Variants in NEK11 observed in about 807,000 individuals in gnomAD.
NEK11 encodes the protein serine/threonine-protein kinase Nek11.
A neutral mutation model predicts 80.7 loss-of-function variants in NEK11; 72 were observed. The observed-to-expected ratio is 0.89, with a 90% CI of 0.74 to 1.08. The LOEUF (loss-of-function observed/expected upper bound fraction) is 1.08, where lower values mean the gene tolerates loss of function less well. NEK11 is among the 50% of genes least tolerant of loss of function. NEK11 has a pLI of 0.00. For synonymous variants in NEK11, 251 were observed against 260.7 expected, an observed-to-expected ratio of 0.96 and a Z score of 0.36; for missense variants, 764 against 763.6, an observed-to-expected ratio of 1.00 and a Z score of -0.01.
intron 5 of NEK11, among the ~76,000 whole-genome samples, chr3:131,130,790 A>G (rs915665460): frequency 6.6e-6 from 1 of 152,100 alleles, no homozygotes; most frequent in African/African-American, 2.4e-5. Flanking sequence ...TTCTCCTGAC[A>G]CAATGTTGGA....
chr3:131,027,437 TTCTCCAAGTTCCCA>T (rs1201369094), intron 1 of NEK11: 1 of 152,020 alleles, frequency 6.6e-6, no homozygotes, highest in East Asian at 1.9e-4. Flanking sequence ...GGTAGTAACT[TTCTCCAAGTTCCCA>T]TCTAGCTTTC....
chr3:131,259,912 G>A (rs1476899745), intron 16 of NEK11, among the ~76,000 whole-genome samples: 1 of 152,136 alleles, frequency 6.6e-6, no homozygotes, highest in Non-Finnish European at 1.5e-5. Context: ...TTGAGGTGAG[G>A]CAGTACAGAG....
intron 17 of NEK11, among the ~76,000 whole-genome samples, chr3:131,311,808 A>G (rs531204728): frequency 6.6e-6 from 1 of 152,360 alleles, no homozygotes; most frequent in African/African-American, 2.4e-5. Flanking sequence ...AATCAGTAAA[A>G]TCTAGTGATA....
chr3:131,270,686 T>A (rs2096165803), intron 16 of NEK11, among the ~76,000 whole-genome samples: 1 of 152,194 alleles, frequency 6.6e-6, no homozygotes, highest in South Asian at 2.1e-4. Flanking sequence ...ACCCTGTTAC[T>A]CGAAATTATA....
At chr3:131,233,853 G>A (rs1345086372) in intron 15 of NEK11, among the ~76,000 whole-genome samples, 1 of 152,288 alleles carries the variant, frequency 6.6e-6, no homozygotes, top group African/African-American at 2.4e-5. Flanking sequence ...TTAAAACCTA[G>A]GTCCCTTGAA....
chr3:131,052,467 A>G (rs1196450873), intron 3 of NEK11, among the ~76,000 whole-genome samples: 1 of 152,122 alleles, frequency 6.6e-6, no homozygotes, highest in East Asian at 1.9e-4. Context: ...GTTTGAATTT[A>G]TCCTTCTTTA....
intron 14 of NEK11, among the ~76,000 whole-genome samples, chr3:131,195,715 T>C (rs2093977965): frequency 6.6e-6 from 1 of 151,486 alleles, no homozygotes; most frequent in Admixed American, 6.6e-5. Context: ...GAAACAGTTC[T>C]TTTCCTTTAT....
At chr3:131,057,839 G>T (rs13066937) in intron 3 of NEK11, among the ~76,000 whole-genome samples, 24,991 of 151,964 alleles carry the variant, frequency 0.16, 2,151 homozygotes, top group Middle Eastern at 0.2. Context: ...TTTGTAGGTT[G>T]CCTGTTCACT....
chr3:131,241,360 G>C (rs1033771665), intron 15 of NEK11, among the ~76,000 whole-genome samples: 1 of 152,064 alleles, frequency 6.6e-6, no homozygotes, highest in Admixed American at 6.6e-5. Flanking sequence ...AAGCAATCTA[G>C]ATGTCCAATG....
intron 3 of NEK11, among the ~76,000 whole-genome samples, chr3:131,038,807 A>G (rs775084447): frequency 1.3e-5 from 2 of 152,196 alleles, no homozygotes; most frequent in Admixed American, 6.5e-5. Flanking sequence ...AGATTTTCAG[A>G]CTTATTTAAA....
At chr3:131,229,399 T>C (rs1260606618) in intron 15 of NEK11, among the ~76,000 whole-genome samples, 1 of 152,158 alleles carries the variant, frequency 6.6e-6, no homozygotes, top group East Asian at 1.9e-4. Flanking sequence ...GCAATGTGCA[T>C]ACATACCTTC....
intron 14 of NEK11, among the ~76,000 whole-genome samples, chr3:131,187,550 C>T (rs779769800): frequency 2.4e-4 from 36 of 152,136 alleles, no homozygotes; most frequent in Admixed American, 1.4e-3. Flanking sequence ...TAACTCTTCT[C>T]CTTTTTCATA....
At chr3:131,042,165 C>T (rs1258353307) in intron 3 of NEK11, among the ~76,000 whole-genome samples, 1 of 152,134 alleles carries the variant, frequency 6.6e-6, no homozygotes, top group Non-Finnish European at 1.5e-5. Flanking sequence ...CAAAACTGGG[C>T]AACCGTTTGG....
chr3:131,132,869 A>C, intron 6 of NEK11, 60 bp downstream of exon 6: 1 of 751,312 alleles, frequency 1.3e-6, no homozygotes, highest in South Asian at 1.8e-5. Flanking sequence ...AGATATTATC[A>C]TATCAAATTG....
At chr3:131,273,634 G>A in intron 17 of NEK11, 60 bp downstream of exon 17, 1 of 1,241,800 alleles carries the variant, frequency 8.1e-7, no homozygotes, top group Non-Finnish European at 1.2e-6. Context: ...TTGACCAAGT[G>A]TGTGACCCAG....
At chr3:131,196,078 A>G (rs143754808) in intron 14 of NEK11, among the ~76,000 whole-genome samples, 3 of 151,884 alleles carry the variant, frequency 2.0e-5, no homozygotes, top group African/African-American at 7.2e-5. Context: ...ATGAAAAATG[A>G]TTATTAGTAC....
At chr3:131,172,632 A>G (rs1336538347) in intron 14 of NEK11, among the ~76,000 whole-genome samples, 5 of 152,006 alleles carry the variant, frequency 3.3e-5, no homozygotes, top group African/African-American at 7.2e-5. Context: ...GAAATTTGGA[A>G]GTATAGAAAT....
At chr3:131,256,149 G>A (rs906201928) in intron 16 of NEK11, among the ~76,000 whole-genome samples, 5 of 152,220 alleles carry the variant, frequency 3.3e-5, no homozygotes, top group African/African-American at 9.6e-5. Context: ...TTGCACAGTT[G>A]GGTGACCGTG....
intron 4 of NEK11, among the ~76,000 whole-genome samples, chr3:131,090,823 G>A (rs112484566): frequency 0.025 from 3,824 of 152,214 alleles, 171 homozygotes; most frequent in African/African-American, 0.088. Context: ...GGAGTGCAGT[G>A]GTGCAATCAT....
Sources: allele counts gnomAD v4.1 joint callset (sites outside exome capture counted in the v4.1 genomes callset), GRCh38; gene constraint gnomAD v4.1.1; transcripts MANE v1.5; gene names NCBI Gene and HGNC (gene_info 2026-07-23, HGNC 2026-07-21).